BCAS2: variants seen among roughly 807,000 people sequenced by gnomAD.
The protein encoded by BCAS2 is pre-mRNA-splicing factor SPF27.
BCAS2 carries 34 observed loss-of-function variants against 35.3 expected under a neutral mutation model. The ratio of observed to expected loss-of-function variants is 0.96; its 90% confidence interval spans 0.73 to 1.28. BCAS2 has a LOEUF of 1.28. BCAS2 is among the 50% of genes most tolerant of loss of function. BCAS2 has a pLI of 0.00. For missense variants in BCAS2, 221 were observed against 268.1 expected (o/e 0.82, Z 1.23); for synonymous variants, 75 against 91.6 (o/e 0.82, Z 1.03).
intron 6 of BCAS2, 151 bp from the exon 7 acceptor site, chr1:114,568,407 C>T (rs1247494621): frequency 2.2e-6 from 2 of 916,950 alleles, no homozygotes; most frequent in Non-Finnish European, 3.1e-6. Flanking sequence ...GCTCTTGTTG[C>T]CCAGGCTGGA....
At chr1:114,572,396 A>G (rs1439143326) in intron 4 of BCAS2, among the ~76,000 whole-genome samples, 1 of 152,222 alleles carries the variant, frequency 6.6e-6, no homozygotes, top group East Asian at 1.9e-4. Flanking sequence ...GCTCTCCCTG[A>G]AAGTTTAGTT....
At chr1:114,577,546 T>C (rs1377676073) in intron 2 of BCAS2, among the ~76,000 whole-genome samples, 4 of 152,210 alleles carry the variant, frequency 2.6e-5, no homozygotes, top group East Asian at 1.9e-4. Flanking sequence ...TTTGTATTTT[T>C]AGTAGAGACA....
At chr1:114,579,990 G>A (rs1029804264) in intron 2 of BCAS2, among the ~76,000 whole-genome samples, 1 of 151,152 alleles carries the variant, frequency 6.6e-6, no homozygotes, top group African/African-American at 2.4e-5. Context: ...GAGTGCAATG[G>A]CATTATCATG....
At chr1:114,568,755 CTTT>C (rs67319421) in intron 6 of BCAS2, among the ~76,000 whole-genome samples, 4 of 83,232 alleles carry the variant, frequency 4.8e-5, no homozygotes, top group East Asian at 6.6e-4. Context: ...TCTCTGTATT[CTTT>C]TTTTTTTTTT....
At chr1:114,569,815 G>A (rs995290856) in intron 6 of BCAS2, among the ~76,000 whole-genome samples, 177 bp downstream of exon 6, 5 of 152,076 alleles carry the variant, frequency 3.3e-5, no homozygotes, top group Non-Finnish European at 7.4e-5. Context: ...TTCAATTCTC[G>A]TTTATAGTTC....
Position 114,581,396 on chromosome 1 carries a change from G to C in BCAS2, c.94-5C>G, listed in dbSNP as rs749119779. The C allele has an allele frequency of 2.5e-6, 4 of 1,614,034 alleles. No individual in the cohort carries two copies. The highest frequency in any genetic ancestry group is 1.1e-5 in the South Asian group (1 of 91,086). ...CTCCTCCACCAGCGCTGCAGCCTAAGAAAGAGAATAGGGACCAGGGTAGAA... is the reference window on the plus strand; with the variant it reads ...CTCCTCCACCAGCGCTGCAGCCTAACAAAGAGAATAGGGACCAGGGTAGAA... On this transcript the variant is annotated splice_polypyrimidine_tract_variant and splice_region_variant and intron_variant, in intron 1 of 6. Transcript: ENST00000369541.
At chr1:114,572,457 T>C (rs1654667478) in intron 4 of BCAS2, among the ~76,000 whole-genome samples, 2 of 152,234 alleles carry the variant, frequency 1.3e-5, no homozygotes, top group Non-Finnish European at 2.9e-5. Context: ...TGATAAAATA[T>C]AGTACATCTC....
At chr1:114,570,115 A>ATTG in intron 5 of BCAS2, 43 bp from the exon 6 acceptor site, 1 of 1,390,578 alleles carries the variant, frequency 7.2e-7, no homozygotes, top group Non-Finnish European at 1.0e-6. Flanking sequence ...TTTTAATGTA[A>ATTG]GACCTAAATC....
In BCAS2 at chr1:114,581,396, G is replaced by T. The variant is rs749119779; in HGVS notation, c.94-5C>A. 20 of 1,614,034 alleles carry T rather than the reference G, an allele frequency of 1.2e-5. No homozygotes were observed. Among genetic ancestry groups the T allele is most frequent in the Admixed American group, 1.7e-5 (1 of 59,998 alleles). ...CTCCTCCACCAGCGCTGCAGCCTAA[G>T]AAAGAGAATAGGGACCAGGGTAGAA... On this transcript the variant is annotated splice_polypyrimidine_tract_variant and splice_region_variant and intron_variant, in intron 1 of 6. Coordinates refer to ENST00000369541, the MANE Select transcript of BCAS2 (RefSeq NM_005872.3).
intron 2 of BCAS2, among the ~76,000 whole-genome samples, chr1:114,578,656 C>T (rs1654824314): frequency 6.6e-6 from 1 of 152,176 alleles, no homozygotes. Flanking sequence ...CTATCATTCT[C>T]TGTGCAGCAT....
intron 2 of BCAS2, among the ~76,000 whole-genome samples, chr1:114,579,878 C>A (rs2101631430): frequency 6.6e-6 from 1 of 152,076 alleles, no homozygotes; most frequent in South Asian, 2.1e-4. Context: ...ACAAAAACAA[C>A]AACAAACTTA....
At chr1:114,580,482 A>G (rs1042899250) in intron 2 of BCAS2, among the ~76,000 whole-genome samples, 1 of 152,182 alleles carries the variant, frequency 6.6e-6, no homozygotes, top group African/African-American at 2.4e-5. Context: ...TCCCTTCTCT[A>G]ATCCTCTTGT....
At chr1:114,580,418 A>G (rs553444736) in intron 2 of BCAS2, among the ~76,000 whole-genome samples, 3 of 152,326 alleles carry the variant, frequency 2.0e-5, no homozygotes, top group South Asian at 2.1e-4. Context: ...AAATAGTATC[A>G]TACTCAATGT....
chr1:114,576,434 A>T (rs1281778749), intron 3 of BCAS2, among the ~76,000 whole-genome samples: 1 of 114,324 alleles, frequency 8.7e-6, no homozygotes, highest in Non-Finnish European at 2.0e-5. Flanking sequence ...AGGTACGTTT[A>T]TTATTATTAT....
At chr1:114,575,773 A>T (rs1654747562) in intron 3 of BCAS2, 22 bp from the exon 4 acceptor site, 1 of 1,609,308 alleles carries the variant, frequency 6.2e-7, no homozygotes, top group Non-Finnish European at 8.5e-7. Flanking sequence ...CAACAAAATA[A>T]AATAAAACCA....
At chr1:114,577,574 C>T (rs908259010) in intron 2 of BCAS2, among the ~76,000 whole-genome samples, 3 of 152,092 alleles carry the variant, frequency 2.0e-5, no homozygotes, top group Non-Finnish European at 4.4e-5. Flanking sequence ...ACCATGTTGG[C>T]CAGGCTGGTC....
intron 5 of BCAS2, among the ~76,000 whole-genome samples, 176 bp downstream of exon 5, chr1:114,570,524 G>A (rs562654770): frequency 6.6e-6 from 1 of 152,282 alleles, no homozygotes; most frequent in East Asian, 1.9e-4. Context: ...TCAGACCTCA[G>A]GCCTATTTCT....
chr1:114,578,202 C>CA (rs1021472554), intron 2 of BCAS2, among the ~76,000 whole-genome samples: 2 of 151,128 alleles, frequency 1.3e-5, no homozygotes, highest in Non-Finnish European at 3.0e-5. Context: ...AACAAAAAAA[C>CA]AAAAAAACAA....
At chr1:114,568,368 C>CTT (rs71090789) in intron 6 of BCAS2, 112 bp from the exon 7 acceptor site, 69,516 of 863,136 alleles carry the variant, frequency 0.081, 10 homozygotes, top group Middle Eastern at 0.098. Context: ...CTAACCTTCA[C>CTT]TTTTTTTTTT....
Sources: gnomAD v4.1 joint callset for allele counts (sites outside exome capture counted in the v4.1 genomes callset) on GRCh38, gnomAD v4.1.1 for gene constraint, MANE v1.5 for transcripts, NCBI Gene and HGNC (gene_info 2026-07-23, HGNC 2026-07-21) for gene names.